The following GPR39 variants were observed in gnomAD, a reference collection of about 807,000 sequenced individuals.
GPR39 encodes the protein G protein-coupled receptor 39.
A neutral mutation model predicts 18.4 loss-of-function variants in GPR39; 23 were observed. The ratio of observed to expected loss-of-function variants is 1.25; its 90% confidence interval spans 0.90 to 1.77. GPR39 has a LOEUF of 1.77. Among genes scored for constraint, GPR39 ranks in the 40% most tolerant of loss-of-function variants. GPR39 has a pLI of 0.00. For synonymous variants in GPR39, 280 were observed against 257.9 expected, an observed-to-expected ratio of 1.09 and a Z score of -0.82; for missense variants, 647 against 602.4, an observed-to-expected ratio of 1.07 and a Z score of -0.78.
chr2:132,504,186 T>C (rs531901444), intron 1 of GPR39, among the ~76,000 whole-genome samples: 2 of 152,206 alleles, frequency 1.3e-5, no homozygotes, highest in South Asian at 2.1e-4. Context: ...CACATGCTAC[T>C]CTGTCTGTCC....
intron 1 of GPR39, among the ~76,000 whole-genome samples, chr2:132,524,275 T>C (rs1679472152): frequency 6.6e-6 from 1 of 152,236 alleles, no homozygotes; most frequent in South Asian, 2.1e-4. Context: ...TTGTTCACAA[T>C]CCATCCTTCA....
At chr2:132,536,016 AAAAAAC>A (rs1679752358) in intron 1 of GPR39, among the ~76,000 whole-genome samples, 1 of 150,160 alleles carries the variant, frequency 6.7e-6, no homozygotes, top group Admixed American at 6.6e-5. Context: ...TTTCAAAAAA[AAAAAAC>A]AGCTCCTGGA....
chr2:132,569,769 T>C (rs1026828664), intron 1 of GPR39, among the ~76,000 whole-genome samples: 1 of 152,014 alleles, frequency 6.6e-6, no homozygotes, highest in African/African-American at 2.4e-5. Flanking sequence ...TGGGAGATGA[T>C]TGAATCATGG....
At chr2:132,541,729 G>A (rs1015083380) in intron 1 of GPR39, among the ~76,000 whole-genome samples, 1 of 152,192 alleles carries the variant, frequency 6.6e-6, no homozygotes, top group Non-Finnish European at 1.5e-5. Flanking sequence ...TACAGAGGCA[G>A]TTGGACAAGC....
At chr2:132,580,960 C>CAA (rs538565776) in intron 1 of GPR39, among the ~76,000 whole-genome samples, 1,120 of 54,700 alleles carry the variant, frequency 0.02, 47 homozygotes, top group African/African-American at 0.06. Flanking sequence ...GACTCTGTCT[C>CAA]AAAAAAAAAA....
intron 1 of GPR39, among the ~76,000 whole-genome samples, chr2:132,552,917 TACAC>T (rs58291826): frequency 7.6e-6 from 1 of 131,306 alleles, no homozygotes; most frequent in Non-Finnish European, 1.7e-5. Flanking sequence ...CACATATATA[TACAC>T]ACACACACAC....
chr2:132,457,813 G>T (rs965460295), intron 1 of GPR39, among the ~76,000 whole-genome samples: 1 of 152,230 alleles, frequency 6.6e-6, no homozygotes, highest in Admixed American at 6.5e-5. Flanking sequence ...CAGCCACTTT[G>T]TTTAGTTACT....
chr2:132,582,285 G>T (rs1331482575), intron 1 of GPR39, among the ~76,000 whole-genome samples: 1 of 152,244 alleles, frequency 6.6e-6, no homozygotes, highest in African/African-American at 2.4e-5. Flanking sequence ...CCATCTTCTT[G>T]CATGAGAAAC....
At chr2:132,611,435 G>T (rs1023804877) in intron 1 of GPR39, among the ~76,000 whole-genome samples, 14 of 152,170 alleles carry the variant, frequency 9.2e-5, no homozygotes, top group African/African-American at 3.4e-4. Flanking sequence ...TTCCGTTTTT[G>T]TTTTCAAGTG....
intron 1 of GPR39, among the ~76,000 whole-genome samples, chr2:132,454,780 T>C (rs561080006): frequency 7.2e-5 from 11 of 152,228 alleles, no homozygotes; most frequent in African/African-American, 2.6e-4. Flanking sequence ...GTATGGATTA[T>C]GTTTATTGAT....
chr2:132,527,439 C>T (rs532826399), intron 1 of GPR39, among the ~76,000 whole-genome samples: 7 of 152,296 alleles, frequency 4.6e-5, no homozygotes, highest in East Asian at 1.9e-4. Context: ...GATTTACGTT[C>T]GTTTGGGTAT....
At position 132,646,435 on chromosome 2, in the gene GPR39, T is replaced by G. The variant is rs908639326; in HGVS notation, c.*829T>G. 13 of 422,972 alleles carry G rather than the reference T, an allele frequency of 3.1e-5. No individual in the cohort carries two copies. Among genetic ancestry groups the G allele is most frequent in the Non-Finnish European group, 5.0e-5 (12 of 240,220 alleles). 26.2% of individuals were successfully genotyped at this position (422,972 alleles called of 1,614,324 possible). A position where few individuals can be genotyped will look rare whatever the true frequency, so the allele number is the denominator to read the frequency against. On this transcript the variant is annotated 3_prime_UTR_variant, in exon 2 of 2. Coordinates refer to ENST00000329321, the MANE Select transcript of GPR39 (RefSeq NM_001508.3). ...GAAGTGCTTCGGATTGTCTCATTGA[T>G]ATTCAAGATAGATGGTGAAAGAGAC...
intron 1 of GPR39, among the ~76,000 whole-genome samples, chr2:132,521,101 A>T (rs1013067621): frequency 1.3e-5 from 2 of 152,188 alleles, no homozygotes; most frequent in African/African-American, 4.8e-5. Context: ...TGGTCACAGG[A>T]TGACTTCGCC....
At chr2:132,459,568 G>A (rs971577388) in intron 1 of GPR39, among the ~76,000 whole-genome samples, 22 of 152,212 alleles carry the variant, frequency 1.4e-4, no homozygotes, top group African/African-American at 5.3e-4. Flanking sequence ...CTAAATAATA[G>A]GGCATTTAGG....
chr2:132,542,023 T>C (rs1679869657), intron 1 of GPR39, among the ~76,000 whole-genome samples: 1 of 152,146 alleles, frequency 6.6e-6, no homozygotes, highest in Non-Finnish European at 1.5e-5. Context: ...GGGCCTCTTC[T>C]ATAAGGGCAC....
At chr2:132,514,215 C>T (rs947474391) in intron 1 of GPR39, among the ~76,000 whole-genome samples, 1 of 152,128 alleles carries the variant, frequency 6.6e-6, no homozygotes, top group South Asian at 2.1e-4. Flanking sequence ...AATCCCTAGC[C>T]CAGGCCACTT....
intron 1 of GPR39, among the ~76,000 whole-genome samples, chr2:132,580,442 C>T (rs1158867503): frequency 2.0e-5 from 3 of 152,224 alleles, no homozygotes; most frequent in South Asian, 4.1e-4. Context: ...ACTTTATCAA[C>T]ACATGTTTCT....
At chr2:132,634,099 A>C (rs1273349856) in intron 1 of GPR39, among the ~76,000 whole-genome samples, 4 of 143,628 alleles carry the variant, frequency 2.8e-5, no homozygotes, top group African/African-American at 1.2e-4. Flanking sequence ...GTGGTGATGG[A>C]GGGTGATGAT....
At chr2:132,446,811 G>A (rs543906402) in intron 1 of GPR39, among the ~76,000 whole-genome samples, 2 of 152,200 alleles carry the variant, frequency 1.3e-5, no homozygotes, top group South Asian at 2.1e-4. Context: ...GTAGGGTGGA[G>A]ATAGGGTAGA....
Sources: gnomAD v4.1 joint callset for allele counts (sites outside exome capture counted in the v4.1 genomes callset) on GRCh38, gnomAD v4.1.1 for gene constraint, MANE v1.5 for transcripts, NCBI Gene and HGNC (gene_info 2026-07-23, HGNC 2026-07-21) for gene names.